The following SRBD1 variants were observed in gnomAD, a reference collection of about 807,000 sequenced individuals.
The protein encoded by SRBD1 is S1 RNA binding domain 1.
SRBD1 carries 88 observed loss-of-function variants against 115.3 expected under a neutral mutation model. The observed-to-expected ratio is 0.76, with a 90% CI of 0.64 to 0.91. The LOEUF (loss-of-function observed/expected upper bound fraction) is 0.91. Ranked by LOEUF, SRBD1 falls within the 40% of genes least tolerant of loss-of-function variation. SRBD1 has a pLI of 0.00. For synonymous variants in SRBD1, 509 were observed against 407.7 expected, an observed-to-expected ratio of 1.25 and a Z score of -2.99; for missense variants, 1,385 against 1,177.4, an observed-to-expected ratio of 1.18 and a Z score of -2.58.
chr2:45,602,012 C>A lies in SRBD1; in HGVS notation c.152G>T (p.Arg51Leu). Residue 51 changes from arginine to leucine, a missense_variant, in exon 3 of 21, where the codon CGT becomes CTT. Arg to Leu is a moderately radical substitution (Grantham distance 102). Coordinates refer to ENST00000263736, the MANE Select transcript of SRBD1 (RefSeq NM_018079.5). ...GGATTCCTTGGGAGGGGGCTGTTTA[C>A]GGCTTCTGGGAACTTTCTTTTGGGG... ...WEPQKKVPRS[R>L]KQPPPKESKP... 6.2e-7 allele frequency: 1 copy of A among 1,614,154 alleles called. No individual in the cohort carries two copies. Among genetic ancestry groups the A allele is most frequent in the Non-Finnish European group, 8.5e-7 (1 of 1,180,004 alleles).
intron 10 of SRBD1, among the ~76,000 whole-genome samples, chr2:45,554,237 G>C (rs1672400408): frequency 6.6e-6 from 1 of 152,194 alleles, no homozygotes; most frequent in African/African-American, 2.4e-5. Context: ...TGAGGACACA[G>C]CAAGAATGCA....
Position 45,573,241 on chromosome 2 carries a change from A to G in SRBD1, c.1271T>C (p.Phe424Ser). The G allele has an allele frequency of 6.2e-7, 1 of 1,610,608 alleles. No individual in the cohort carries two copies. Among genetic ancestry groups the G allele is most frequent in the Non-Finnish European group, 8.5e-7 (1 of 1,178,762 alleles). Residue 424 changes from phenylalanine to serine, a missense_variant, in exon 9 of 21, where the codon TTT (phenylalanine) becomes TCT (serine). Phe to Ser is a radical substitution (Grantham distance 155). Transcript: ENST00000263736. ...DVDKFLLYQH[F>S]SCNIRNIHHH... is the part of the protein sequence containing the mutation. ...GTGAATGTTTCTTATGTTGCAGGAA[A>G]AATGCTGGTAGAGCAGAAACTTATC...
At chr2:45,490,127 T>C (rs1670248810) in intron 14 of SRBD1, among the ~76,000 whole-genome samples, 1 of 152,152 alleles carries the variant, frequency 6.6e-6, no homozygotes, top group African/African-American at 2.4e-5. Context: ...CTTCTAATAA[T>C]ATAATGATCA....
At chr2:45,548,171 A>G (rs1385908323) in intron 12 of SRBD1, among the ~76,000 whole-genome samples, 1 of 150,956 alleles carries the variant, frequency 6.6e-6, no homozygotes, top group East Asian at 1.9e-4. Flanking sequence ...CTAAGAGACT[A>G]ACTTACAAGT....
At chr2:45,421,181 T>A (rs143003446) in intron 16 of SRBD1, among the ~76,000 whole-genome samples, 1 of 152,102 alleles carries the variant, frequency 6.6e-6, no homozygotes, top group Non-Finnish European at 1.5e-5. Context: ...CACCATTAAA[T>A]GTAAGCTGCA....
At chr2:45,584,716 C>G (rs1040096209) in intron 5 of SRBD1, among the ~76,000 whole-genome samples, 4 of 152,162 alleles carry the variant, frequency 2.6e-5, no homozygotes, top group Admixed American at 2.6e-4. Flanking sequence ...ATAATATGGT[C>G]AGTCTTGTAG....
intron 14 of SRBD1, among the ~76,000 whole-genome samples, chr2:45,527,429 A>T (rs1217606136): frequency 6.6e-6 from 1 of 151,896 alleles, no homozygotes; most frequent in Non-Finnish European, 1.5e-5. Context: ...CTAACCTGAG[A>T]TAAATTAGAG....
chr2:45,496,099 G>C (rs1349873805), intron 14 of SRBD1, among the ~76,000 whole-genome samples: 1 of 152,192 alleles, frequency 6.6e-6, no homozygotes, highest in Admixed American at 6.5e-5. Context: ...GCTGCACAGA[G>C]AATTGTGAAG....
chr2:45,554,784 G>A (rs1160312764), intron 10 of SRBD1, among the ~76,000 whole-genome samples: 1 of 152,140 alleles, frequency 6.6e-6, no homozygotes, highest in Non-Finnish European at 1.5e-5. Context: ...TCTCTGACCT[G>A]CTTCCTCATA....
In SRBD1 at chr2:45,601,949, G is replaced by T. The variant is rs1458473045; in HGVS notation, c.215C>A (p.Pro72Gln). The change falls in exon 3 of 21, where the codon CCA becomes CAA. Residue 72 changes from proline (P) to glutamine (Q), a missense_variant. By Grantham distance (76) the Pro-to-Gln change is moderately conservative. Coordinates refer to ENST00000263736, the MANE Select transcript of SRBD1 (RefSeq NM_018079.5). ...KRMPRVKKNA[P>Q]QISDGSEVVV... ...GACTTCTGAGCCATCACTGATCTGT[G>T]GGGCATTCTTCTTCACCCGAGGCAT... 1 of 1,614,026 alleles carries T rather than the reference G, an allele frequency of 6.2e-7. No homozygotes were observed. The highest frequency in any genetic ancestry group is 2.2e-5 in the East Asian group (1 of 44,890).
At chr2:45,395,968 T>C (rs984771026) in intron 19 of SRBD1, among the ~76,000 whole-genome samples, 2 of 152,208 alleles carry the variant, frequency 1.3e-5, no homozygotes, top group East Asian at 1.9e-4. Context: ...TACAAAGTAC[T>C]TTCTGGCTCA....
intron 16 of SRBD1, among the ~76,000 whole-genome samples, chr2:45,443,670 G>A (rs1668736904): frequency 6.6e-6 from 1 of 152,016 alleles, no homozygotes; most frequent in South Asian, 2.1e-4. Flanking sequence ...AGACAGGCAG[G>A]GTGTGGTAGG....
intron 14 of SRBD1, among the ~76,000 whole-genome samples, chr2:45,492,922 A>G (rs563602122): frequency 5.8e-4 from 88 of 152,372 alleles, no homozygotes; most frequent in African/African-American, 2.1e-3. Flanking sequence ...ATTTAAAAGT[A>G]ATTTGCTTAA....
chr2:45,390,247 T>A (rs1666960343), intron 20 of SRBD1, among the ~76,000 whole-genome samples: 1 of 152,308 alleles, frequency 6.6e-6, no homozygotes, highest in South Asian at 2.1e-4. Context: ...TTCAATTAAA[T>A]TCATCAAACA....
intron 18 of SRBD1, among the ~76,000 whole-genome samples, chr2:45,414,129 T>C (rs1217184400): frequency 6.6e-6 from 1 of 152,154 alleles, no homozygotes; most frequent in African/African-American, 2.4e-5. Context: ...AGTGGAACAA[T>C]ATCTTAAAGT....
intron 2 of SRBD1, among the ~76,000 whole-genome samples, chr2:45,602,578 C>T (rs1322813678): frequency 2.0e-5 from 3 of 152,204 alleles, no homozygotes; most frequent in African/African-American, 7.2e-5. Context: ...CACCAAGACC[C>T]TTCCAACTGC....
chr2:45,553,102 T>G (rs1380204365), intron 11 of SRBD1, among the ~76,000 whole-genome samples: 1 of 152,196 alleles, frequency 6.6e-6, no homozygotes, highest in Non-Finnish European at 1.5e-5. Context: ...CTACATTTCT[T>G]TTCTTTCCAT....
At chr2:45,595,346 G>A (rs1477065681) in intron 4 of SRBD1, among the ~76,000 whole-genome samples, 2 of 152,196 alleles carry the variant, frequency 1.3e-5, no homozygotes, top group African/African-American at 2.4e-5. Context: ...ATATATAAAT[G>A]ACATTTCCAC....
At chr2:45,502,006 G>C (rs1222628267) in intron 14 of SRBD1, among the ~76,000 whole-genome samples, 1 of 152,168 alleles carries the variant, frequency 6.6e-6, no homozygotes, top group Non-Finnish European at 1.5e-5. Context: ...GTGGGTCCCT[G>C]ACCTCCGAGT....
Sources: allele counts gnomAD v4.1 joint callset (sites outside exome capture counted in the v4.1 genomes callset), GRCh38; gene constraint gnomAD v4.1.1; transcripts MANE v1.5; gene names NCBI Gene and HGNC (gene_info 2026-07-23, HGNC 2026-07-21).